ADGRL4: variants seen among roughly 807,000 people sequenced by gnomAD.
ADGRL4 encodes EGF, latrophilin and seven transmembrane domain containing 1.
A neutral mutation model predicts 74.8 loss-of-function variants in ADGRL4; 90 were observed. The ratio of observed to expected loss-of-function variants is 1.20; its 90% confidence interval spans 1.02 to 1.43. The LOEUF is 1.43. Ranked by LOEUF, ADGRL4 falls within the 40% of genes most tolerant of loss-of-function variation. ADGRL4 has a pLI of 0.00. For missense variants in ADGRL4, 881 were observed against 814.3 expected (o/e 1.08, Z -1.00); for synonymous variants, 311 against 279.2 (o/e 1.11, Z -1.14).
chr1:78,999,503 G>A (rs948585160), intron 2 of ADGRL4, among the ~76,000 whole-genome samples: 1 of 152,142 alleles, frequency 6.6e-6, no homozygotes, highest in South Asian at 2.1e-4. Flanking sequence ...AACCCAGGAG[G>A]CGGAGCTGGC....
chr1:78,902,168 G>C (rs1485852420), intron 12 of ADGRL4, among the ~76,000 whole-genome samples: 1 of 152,074 alleles, frequency 6.6e-6, no homozygotes, highest in Non-Finnish European at 1.5e-5. Flanking sequence ...AACCCAATTA[G>C]ATGAATAATC....
At chr1:78,983,500 T>A (rs931472017) in intron 2 of ADGRL4, among the ~76,000 whole-genome samples, 28 of 148,458 alleles carry the variant, frequency 1.9e-4, no homozygotes, top group African/African-American at 6.6e-4. Flanking sequence ...GAACAACAGA[T>A]TAAATATAGC....
At chr1:78,977,052 T>C (rs923185660) in intron 2 of ADGRL4, among the ~76,000 whole-genome samples, 10 of 151,644 alleles carry the variant, frequency 6.6e-5, no homozygotes, top group African/African-American at 1.9e-4. Context: ...CAACTATACA[T>C]ACAAAGCACC....
At chr1:78,903,073 A>G (rs557020653) in intron 12 of ADGRL4, among the ~76,000 whole-genome samples, 2 of 152,192 alleles carry the variant, frequency 1.3e-5, no homozygotes, top group African/African-American at 2.4e-5. Context: ...TTAAACTTTA[A>G]TACTTAAAAT....
chr1:78,918,113 C>A, intron 10 of ADGRL4, 63 bp from the exon 11 acceptor site: 1 of 1,342,900 alleles, frequency 7.4e-7, no homozygotes, highest in Non-Finnish European at 1.0e-6. Context: ...TCATAACATA[C>A]AATCTCTACT....
chr1:78,939,961 T>C (rs1202265136), intron 3 of ADGRL4, among the ~76,000 whole-genome samples: 1 of 152,088 alleles, frequency 6.6e-6, no homozygotes, highest in African/African-American at 2.4e-5. Context: ...ATGCATATAC[T>C]TTTTAACTTT....
chr1:78,902,515 C>A (rs571037100), intron 12 of ADGRL4, among the ~76,000 whole-genome samples: 1 of 152,186 alleles, frequency 6.6e-6, no homozygotes, highest in Admixed American at 6.6e-5. Context: ...GGTAACAGAG[C>A]CAATATTCAT....
chr1:78,985,532 A>G (rs1425351024), intron 2 of ADGRL4, among the ~76,000 whole-genome samples: 1 of 151,860 alleles, frequency 6.6e-6, no homozygotes. Flanking sequence ...CACAATTGGT[A>G]TAATATATTT....
chr1:78,892,554 TAATC>T (rs951143847), intron 13 of ADGRL4, among the ~76,000 whole-genome samples: 67 of 152,180 alleles, frequency 4.4e-4, no homozygotes, highest in African/African-American at 1.5e-3. Flanking sequence ...TAAAAGAAAG[TAATC>T]GATCAAACAT....
At chr1:78,986,881 G>T (rs1375776817) in intron 2 of ADGRL4, among the ~76,000 whole-genome samples, 1 of 151,702 alleles carries the variant, frequency 6.6e-6, no homozygotes, top group Non-Finnish European at 1.5e-5. Flanking sequence ...TAAAAGATTA[G>T]ATAGAGTCTA....
At chr1:78,904,052 A>G (rs1003312377) in intron 12 of ADGRL4, among the ~76,000 whole-genome samples, 12 of 151,856 alleles carry the variant, frequency 7.9e-5, no homozygotes, top group Admixed American at 2.6e-4. Flanking sequence ...AATACATGGA[A>G]CATAATATAA....
chr1:78,950,273 G>C (rs967468000), intron 2 of ADGRL4, among the ~76,000 whole-genome samples: 2 of 152,102 alleles, frequency 1.3e-5, no homozygotes, highest in Non-Finnish European at 2.9e-5. Flanking sequence ...CTAAATGCCT[G>C]GAGTCCTGCA....
intron 2 of ADGRL4, among the ~76,000 whole-genome samples, chr1:78,993,568 T>C (rs1440759532): frequency 2.2e-5 from 2 of 89,562 alleles, no homozygotes; most frequent in Non-Finnish European, 4.6e-5. Context: ...TAAGCAAAAA[T>C]TCCATTTTTT....
At chr1:78,941,994 T>C (rs1156743514) in intron 3 of ADGRL4, among the ~76,000 whole-genome samples, 1 of 151,602 alleles carries the variant, frequency 6.6e-6, no homozygotes, top group Non-Finnish European at 1.5e-5. Flanking sequence ...GGTCAGGAGA[T>C]CGAGACCATC....
chr1:78,960,955 A>ACC (rs1452306233), intron 2 of ADGRL4, among the ~76,000 whole-genome samples: 1 of 152,226 alleles, frequency 6.6e-6, no homozygotes, highest in Non-Finnish European at 1.5e-5. Flanking sequence ...TGAAAAAGAC[A>ACC]AATCTATAGT....
intron 14 of ADGRL4, 147 bp from the exon 15 acceptor site, chr1:78,891,363 A>T: frequency 8.2e-7 from 1 of 1,217,306 alleles, no homozygotes; most frequent in Non-Finnish European, 1.1e-6. Context: ...TATATCCCTA[A>T]TACCAAGGTT....
At chr1:78,910,169 T>C (rs916802823) in intron 12 of ADGRL4, among the ~76,000 whole-genome samples, 5 of 151,828 alleles carry the variant, frequency 3.3e-5, no homozygotes, top group African/African-American at 4.8e-5. Flanking sequence ...AATATTTGCA[T>C]TTTTCCAATC....
At chr1:78,897,764 C>T (rs965315847) in intron 12 of ADGRL4, among the ~76,000 whole-genome samples, 14 of 152,098 alleles carry the variant, frequency 9.2e-5, no homozygotes, top group Admixed American at 9.2e-4. Context: ...TTACAATATT[C>T]AGCAAAGTTG....
intron 2 of ADGRL4, among the ~76,000 whole-genome samples, chr1:78,947,737 A>G (rs1649632714): frequency 6.6e-6 from 1 of 152,182 alleles, no homozygotes; most frequent in African/African-American, 2.4e-5. Flanking sequence ...CAGAAAAGTG[A>G]CTGGGATATT....
Sources: gnomAD v4.1 joint callset for allele counts (sites outside exome capture counted in the v4.1 genomes callset) on GRCh38, gnomAD v4.1.1 for gene constraint, MANE v1.5 for transcripts, NCBI Gene and HGNC (gene_info 2026-07-23, HGNC 2026-07-21) for gene names.